TMBIM6: variants seen among roughly 807,000 people sequenced by gnomAD.
TMBIM6 encodes the protein transmembrane BAX inhibitor motif containing 6, also known as bax inhibitor 1.
A neutral mutation model predicts 31.4 loss-of-function variants in TMBIM6; 13 were observed. That is an observed-to-expected ratio of 0.41 (90% CI 0.27 to 0.66). The LOEUF (loss-of-function observed/expected upper bound fraction) is 0.66, where lower values mean the gene tolerates loss of function less well. TMBIM6 is among the 30% of genes least tolerant of loss of function. The pLI is 0.28. For synonymous variants in TMBIM6, 85 were observed against 101.7 expected (o/e 0.84, Z 0.99); for missense variants, 275 against 289.5 (o/e 0.95, Z 0.36).
At chr12:49,747,508 T>C (rs1945417501) in intron 1 of TMBIM6, among the ~76,000 whole-genome samples, 1 of 151,926 alleles carries the variant, frequency 6.6e-6, no homozygotes, top group Admixed American at 6.6e-5. Flanking sequence ...GAGGTTTTGC[T>C]GTGTTGCCCA....
Position 49,755,647 on chromosome 12 carries a change from T to G in TMBIM6, c.178T>G (p.Ser60Ala). The change falls in exon 4 of 10, where the codon TCT becomes GCT. Residue 60 changes from serine to alanine, a missense_variant. Physicochemically the swap from Ser to Ala is moderately conservative, Grantham distance 99. Coordinates refer to ENST00000267115, the MANE Select transcript of TMBIM6 (RefSeq NM_003217.3). ...VTHFIQAGLLSALGSLILMIW... is the reference protein window; with the variant it reads ...VTHFIQAGLLAALGSLILMIW... ...CTGACTCTAACAGGCTGGCCTGCTG[T>G]CTGCCTTGGGCTCCCTGATATTGAT... 6.2e-7 allele frequency: 1 copy of G among 1,613,942 alleles called. No individual in the cohort carries two copies. Among genetic ancestry groups the G allele is most frequent in the Non-Finnish European group, 8.5e-7 (1 of 1,179,916 alleles).
chr12:49,759,887 C>T (rs1479407563), intron 8 of TMBIM6, among the ~76,000 whole-genome samples: 3 of 150,224 alleles, frequency 2.0e-5, no homozygotes, highest in African/African-American at 4.9e-5. Flanking sequence ...TCGGGGCAGG[C>T]GGATCACGAG....
intron 1 of TMBIM6, among the ~76,000 whole-genome samples, chr12:49,744,186 G>A (rs905235346): frequency 6.6e-6 from 1 of 152,140 alleles, no homozygotes; most frequent in Non-Finnish European, 1.5e-5. Context: ...CACCTTAAAA[G>A]TTATAAATTT....
intron 1 of TMBIM6, among the ~76,000 whole-genome samples, chr12:49,744,757 G>A (rs898204488): frequency 1.3e-5 from 2 of 152,182 alleles, no homozygotes; most frequent in African/African-American, 4.8e-5. Context: ...TCACCAGTGA[G>A]GGTGAAGTGG....
intron 1 of TMBIM6, 139 bp from the exon 2 acceptor site, chr12:49,752,325 A>C: frequency 1.9e-6 from 1 of 524,350 alleles, no homozygotes. Flanking sequence ...ACATAAAAAT[A>C]AAAATGGTTG....
At chr12:49,744,856 A>T (rs564258400) in intron 1 of TMBIM6, among the ~76,000 whole-genome samples, 1 of 152,338 alleles carries the variant, frequency 6.6e-6, no homozygotes, top group East Asian at 1.9e-4. Flanking sequence ...TACTGGAAGA[A>T]GATTATGTAT....
chr12:49,758,159 A>C (rs1219209174), intron 4 of TMBIM6, 68 bp from the exon 5 acceptor site: 9 of 1,577,832 alleles, frequency 5.7e-6, no homozygotes, highest in Non-Finnish European at 7.8e-6. Context: ...TTTCGGGATC[A>C]GCTTTTGGAT....
At chr12:49,741,917 C>T (rs1249138393) in intron 1 of TMBIM6, 2 of 696,116 alleles carry the variant, frequency 2.9e-6, no homozygotes, top group Non-Finnish European at 4.5e-6. Context: ...CTCAGCCCGC[C>T]TTTTCCTTTC....
chr12:49,748,060 C>T (rs1356949561), intron 1 of TMBIM6, among the ~76,000 whole-genome samples: 1 of 152,106 alleles, frequency 6.6e-6, no homozygotes, highest in Non-Finnish European at 1.5e-5. Context: ...CCCGCCATCA[C>T]GCCCAGCTAA....
At chr12:49,749,441 G>GT (rs61667487) in intron 1 of TMBIM6, among the ~76,000 whole-genome samples, 37 of 146,104 alleles carry the variant, frequency 2.5e-4, no homozygotes, top group South Asian at 1.1e-3. Flanking sequence ...AGTCATTTTT[G>GT]TTTTTTTTTG....
At chr12:49,761,131 C>T (rs575330516) in intron 8 of TMBIM6, among the ~76,000 whole-genome samples, 14 of 151,464 alleles carry the variant, frequency 9.2e-5, no homozygotes, top group African/African-American at 3.2e-4. Context: ...CCACTGTGCT[C>T]GGCACTTTTT....
Position 49,764,572 on chromosome 12 carries a change from T to C in TMBIM6, c.*1676T>C, listed in dbSNP as rs952403662. 1.3e-5 allele frequency: 2 copies of C among 152,548 alleles called. No homozygotes were observed. Among genetic ancestry groups the C allele is most frequent in the African/African-American group, 4.8e-5 (2 of 41,418 alleles). The allele number at this position is 152,548 out of a possible 1,614,324, so 9.4% of individuals were successfully genotyped here. ...TCCTTCCTGTTAAACCCCTGTTAAC[T>C]CTCCATAAATTTGGTGATTCTCTGC... is the stretch of plus-strand genomic sequence containing the variant. On this transcript the variant is annotated 3_prime_UTR_variant, in exon 10 of 10. Coordinates refer to ENST00000267115, the MANE Select transcript of TMBIM6 (RefSeq NM_003217.3).
intron 1 of TMBIM6, among the ~76,000 whole-genome samples, chr12:49,751,021 G>A (rs1297911597): frequency 6.6e-6 from 1 of 152,140 alleles, no homozygotes; most frequent in Non-Finnish European, 1.5e-5. Context: ...GGGCATTATG[G>A]CCCTGATAGG....
At chr12:49,754,979 G>A (rs1283092506) in intron 3 of TMBIM6, among the ~76,000 whole-genome samples, 1 of 151,992 alleles carries the variant, frequency 6.6e-6, no homozygotes, top group Non-Finnish European at 1.5e-5. Flanking sequence ...TTTTTGAGAC[G>A]GAGTTTCACT....
At chr12:49,752,093 C>T (rs777774108) in intron 1 of TMBIM6, among the ~76,000 whole-genome samples, 1 of 152,126 alleles carries the variant, frequency 6.6e-6, no homozygotes, top group Non-Finnish European at 1.5e-5. Flanking sequence ...CATCTTGAAA[C>T]AATGACATAA....
At chr12:49,742,122 C>A in intron 1 of TMBIM6, 1 of 1,608,132 alleles carries the variant, frequency 6.2e-7, no homozygotes, top group South Asian at 1.1e-5. Flanking sequence ...CGAGGTAGGG[C>A]CTGGCGGGCG....
At chr12:49,741,932 G>T (rs901162715) in intron 1 of TMBIM6, 5 of 750,774 alleles carry the variant, frequency 6.7e-6, no homozygotes, top group African/African-American at 3.6e-5. Flanking sequence ...CCTTTCTCCC[G>T]CTCCTTCTCC....
chr12:49,762,791 C>G (rs1945744379), intron 9 of TMBIM6, 82 bp from the exon 10 acceptor site: 2 of 1,318,362 alleles, frequency 1.5e-6, no homozygotes, highest in Admixed American at 1.7e-5. Context: ...ACTTCTAGTC[C>G]CTAACTAAAT....
rs149823084 is a variant in TMBIM6 at position 49,763,165 on chromosome 12, C to T, written c.*269C>T. 1.2e-4 allele frequency: 40 copies of T among 340,086 alleles called. No homozygotes were observed. Among genetic ancestry groups the T allele is most frequent in the Non-Finnish European group, 9.9e-5 (18 of 181,728 alleles). The allele number at this position is 340,086 out of a possible 1,614,324, so 21.1% of individuals were successfully genotyped here. ...TCTTCCTCTACTCAGGCAGTCGACC[C>T]GCCACGATGAGAAGTGGGACCAGCA... On this transcript the variant is annotated 3_prime_UTR_variant, in exon 10 of 10. Coordinates refer to ENST00000267115, the MANE Select transcript of TMBIM6 (RefSeq NM_003217.3).
Sources: allele counts gnomAD v4.1 joint callset (sites outside exome capture counted in the v4.1 genomes callset), GRCh38; gene constraint gnomAD v4.1.1; transcripts MANE v1.5; gene names NCBI Gene and HGNC (gene_info 2026-07-23, HGNC 2026-07-21).